DMGDH: variants seen among roughly 807,000 people sequenced by gnomAD.
DMGDH encodes the protein dimethylglycine dehydrogenase, mitochondrial.
DMGDH carries 76 observed loss-of-function variants against 95.2 expected under a neutral mutation model. That is an observed-to-expected ratio of 0.80 (90% CI 0.66 to 0.97). The LOEUF is 0.97. Ranked by LOEUF, DMGDH falls within the 50% of genes least tolerant of loss-of-function variation. The pLI, the probability that DMGDH is intolerant of heterozygous loss-of-function variation, is 0.00. For missense variants in DMGDH, 987 were observed against 1,055.0 expected (o/e 0.94, Z 0.89); for synonymous variants, 345 against 377.6 (o/e 0.91, Z 1.00).
At chr5:79,043,689 T>C (rs1279656544) in intron 6 of DMGDH, among the ~76,000 whole-genome samples, 1 of 152,212 alleles carries the variant, frequency 6.6e-6, no homozygotes, top group African/African-American at 2.4e-5. Context: ...TGACCCAATC[T>C]TCAATCTGGC....
intron 14 of DMGDH, among the ~76,000 whole-genome samples, chr5:79,017,106 C>T (rs1753748031): frequency 1.3e-5 from 2 of 151,816 alleles, no homozygotes; most frequent in Admixed American, 1.3e-4. Flanking sequence ...GAAAACATAG[C>T]AGAAAATCTT....
chr5:79,056,009 G>A (rs776107530), intron 2 of DMGDH, 101 bp from the exon 3 acceptor site: 36 of 798,008 alleles, frequency 4.5e-5, no homozygotes, highest in Admixed American at 2.6e-4. Context: ...GAAAGAAACT[G>A]AGAAGCACCA....
intron 11 of DMGDH, 114 bp from the exon 12 acceptor site, chr5:79,028,764 G>T: frequency 8.5e-7 from 1 of 1,178,244 alleles, no homozygotes; most frequent in Non-Finnish European, 1.2e-6. Context: ...AGTCCCCAGA[G>T]TGTCATTTCA....
At chr5:79,032,473 G>T (rs558780773) in intron 9 of DMGDH, among the ~76,000 whole-genome samples, 26 of 152,292 alleles carry the variant, frequency 1.7e-4, no homozygotes, top group South Asian at 1.5e-3. Flanking sequence ...GCTGGCTATA[G>T]GACTCTCAGG....
At chr5:78,999,906 C>A (rs1435300197) in intron 15 of DMGDH, among the ~76,000 whole-genome samples, 6 of 149,810 alleles carry the variant, frequency 4.0e-5, no homozygotes, top group Non-Finnish European at 8.9e-5. Context: ...ACTACTGACA[C>A]TCCATATTTA....
chr5:79,007,561 C>T (rs16876255), intron 14 of DMGDH, among the ~76,000 whole-genome samples: 28,787 of 152,044 alleles, frequency 0.19, 5,060 homozygotes, highest in African/African-American at 0.46. Context: ...GGGTGCTTTT[C>T]AGAGTTCTTG....
At chr5:79,024,469 G>A (rs1753945844) in intron 13 of DMGDH, 139 bp from the exon 14 acceptor site, 1 of 788,270 alleles carries the variant, frequency 1.3e-6, no homozygotes. Context: ...CTATAGACCG[G>A]TTTTGAAAAC....
intron 1 of DMGDH, among the ~76,000 whole-genome samples, chr5:79,068,810 T>C (rs1345799762): frequency 6.6e-6 from 1 of 152,196 alleles, no homozygotes; most frequent in Non-Finnish European, 1.5e-5. Context: ...ACCTATCAGA[T>C]TTAGCAAAGA....
chr5:79,000,861 T>G lies in DMGDH; in HGVS notation c.2386-2564A>C, dbSNP rs981780719. 3 of 642,762 alleles carry G rather than the reference T, an allele frequency of 4.7e-6. No homozygotes were observed. In the Admixed American group the frequency reaches 7.5e-5, roughly 16 times the overall value. 39.8% of individuals were successfully genotyped at this position (642,762 alleles called of 1,614,324 possible). A position where few individuals can be genotyped will look rare whatever the true frequency, so the allele number is the denominator to read the frequency against. ...GCCACATATATATTTCCTCAGGCTA[T>G]TCAATAAATGGACAAGTTCTTGCCC... On this transcript the variant is annotated intron_variant, in intron 15 of 15. Transcript: ENST00000255189.
intron 4 of DMGDH, among the ~76,000 whole-genome samples, chr5:79,053,531 G>T (rs1003478563): frequency 2.7e-5 from 4 of 149,666 alleles, no homozygotes; most frequent in African/African-American, 7.7e-5. Flanking sequence ...ATACTAACTG[G>T]TACATAAATA....
chr5:79,003,066 T>G (rs929761348), intron 15 of DMGDH, among the ~76,000 whole-genome samples: 1 of 152,194 alleles, frequency 6.6e-6, no homozygotes, highest in African/African-American at 2.4e-5. Context: ...TAAAAATCAG[T>G]TGATTGTGGA....
chr5:79,027,879 T>C (rs1754045423), intron 12 of DMGDH, among the ~76,000 whole-genome samples: 1 of 151,478 alleles, frequency 6.6e-6, no homozygotes, highest in Non-Finnish European at 1.5e-5. Flanking sequence ...TTCACTCTTG[T>C]TGCCCAGGCT....
At chr5:79,048,264 A>T (rs1276848952) in intron 5 of DMGDH, among the ~76,000 whole-genome samples, 1 of 152,160 alleles carries the variant, frequency 6.6e-6, no homozygotes, top group Non-Finnish European at 1.5e-5. Flanking sequence ...TATTTTACAA[A>T]TAAGTAACTT....
chr5:79,050,296 A>G (rs1460296866), intron 5 of DMGDH, among the ~76,000 whole-genome samples: 1 of 138,768 alleles, frequency 7.2e-6, no homozygotes, highest in Non-Finnish European at 1.5e-5. Context: ...ATATATATAT[A>G]TATATACCTC....
chr5:79,030,647 CAA>C (rs59687681), intron 10 of DMGDH, 184 bp downstream of exon 10: 102,548 of 378,610 alleles, frequency 0.27, 3,518 homozygotes, highest in African/African-American at 0.41. Context: ...CTCTGTCTCT[CAA>C]AAAAAAAAAA....
intron 2 of DMGDH, among the ~76,000 whole-genome samples, chr5:79,061,296 C>T (rs577455056): frequency 1.1e-4 from 17 of 151,604 alleles, no homozygotes; most frequent in African/African-American, 3.6e-4. Flanking sequence ...TTTCTTCATG[C>T]TGCTGCTCAG....
chr5:79,006,850 C>CCCGCCG (rs142991064), intron 14 of DMGDH, among the ~76,000 whole-genome samples: 2 of 147,568 alleles, frequency 1.4e-5, no homozygotes, highest in African/African-American at 5.0e-5. Context: ...CTGAGACCCC[C>CCCGCCG]CCAGTCCATT....
intron 1 of DMGDH, 94 bp from the exon 2 acceptor site, chr5:79,063,881 T>G: frequency 7.9e-7 from 1 of 1,268,768 alleles, no homozygotes; most frequent in Non-Finnish European, 1.1e-6. Flanking sequence ...TCTCTAGTAC[T>G]TAACACCCAC....
chr5:79,017,752 C>T (rs929459899), intron 14 of DMGDH, among the ~76,000 whole-genome samples: 2 of 152,172 alleles, frequency 1.3e-5, no homozygotes, highest in African/African-American at 4.8e-5. Flanking sequence ...TTGAACTGCA[C>T]GGATCCACTT....
Sources: gnomAD v4.1 joint callset for allele counts (sites outside exome capture counted in the v4.1 genomes callset) on GRCh38, gnomAD v4.1.1 for gene constraint, MANE v1.5 for transcripts, NCBI Gene and HGNC (gene_info 2026-07-23, HGNC 2026-07-21) for gene names.